RGS6: variants seen among roughly 807,000 people sequenced by gnomAD.
The protein encoded by RGS6 is regulator of G-protein signaling 6.
A neutral mutation model predicts 78.5 loss-of-function variants in RGS6; 30 were observed. The observed-to-expected ratio is 0.38, with a 90% CI of 0.29 to 0.52. The LOEUF (loss-of-function observed/expected upper bound fraction) is 0.52. RGS6 is among the 20% of genes least tolerant of loss of function. RGS6 has a pLI of 0.85. For synonymous variants in RGS6, 206 were observed against 206.0 expected (o/e 1.00, Z 0.00); for missense variants, 495 against 609.7 (o/e 0.81, Z 1.98).
intron 1 of RGS6, among the ~76,000 whole-genome samples, chr14:71,939,521 G>A (rs571139092): frequency 6.6e-6 from 1 of 152,360 alleles, no homozygotes; most frequent in East Asian, 1.9e-4. Flanking sequence ...AGGTAGGACA[G>A]TAAAGGTATA....
chr14:71,940,259 C>A (rs1433999432), intron 1 of RGS6, among the ~76,000 whole-genome samples: 2 of 152,112 alleles, frequency 1.3e-5, no homozygotes, highest in Non-Finnish European at 2.9e-5. Flanking sequence ...CCAGAGGTCT[C>A]CTTGGGGAAA....
At chr14:72,516,171 C>T (rs556412898) in intron 14 of RGS6, among the ~76,000 whole-genome samples, 6 of 152,256 alleles carry the variant, frequency 3.9e-5, no homozygotes, top group Admixed American at 3.3e-4. Flanking sequence ...CCGCATCTTT[C>T]ACCTACTGGT....
intron 1 of RGS6, among the ~76,000 whole-genome samples, chr14:71,936,031 T>TATATATACATATATATATATATATATG (rs2089215427): frequency 8.8e-6 from 1 of 114,188 alleles, no homozygotes; most frequent in Non-Finnish European, 1.9e-5. Context: ...TATATATATA[T>TATATATACATATATATATATATATATG]ATATATATAT....
intron 2 of RGS6, among the ~76,000 whole-genome samples, chr14:72,276,640 G>T (rs2153938555): frequency 6.6e-6 from 1 of 152,250 alleles, no homozygotes; most frequent in East Asian, 1.9e-4. Flanking sequence ...TCGTGGTAGT[G>T]AATAAGTCTC....
the RGS6 span, among the ~76,000 whole-genome samples, chr14:72,576,934 G>A: frequency 6.6e-6 from 1 of 152,150 alleles, no homozygotes; most frequent in African/African-American, 2.4e-5. Context: ...GTAAACACAT[G>A]GGCTTTGTAG....
chr14:72,109,389 C>T (rs564558249), intron 2 of RGS6, among the ~76,000 whole-genome samples: 1 of 152,262 alleles, frequency 6.6e-6, no homozygotes, highest in East Asian at 1.9e-4. Flanking sequence ...GTTCCAAAAA[C>T]TGTGTCACTG....
At chr14:72,573,158 G>A in the RGS6 span, among the ~76,000 whole-genome samples, 4 of 152,188 alleles carry the variant, frequency 2.6e-5, no homozygotes, top group East Asian at 7.7e-4. Flanking sequence ...GGAGATTAAA[G>A]CCCTTGAGCC....
chr14:72,179,499 C>T (rs543879928), intron 2 of RGS6, among the ~76,000 whole-genome samples: 3 of 152,302 alleles, frequency 2.0e-5, no homozygotes, highest in African/African-American at 2.4e-5. Context: ...GTAACATAGC[C>T]GCATGGCAGG....
intron 2 of RGS6, among the ~76,000 whole-genome samples, chr14:72,257,775 A>C (rs2057368422): frequency 6.6e-6 from 1 of 152,192 alleles, no homozygotes; most frequent in South Asian, 2.1e-4. Context: ...TCCTGATCAA[A>C]GAAGGGTGAC....
At chr14:72,346,506 G>A (rs1379957130) in intron 2 of RGS6, among the ~76,000 whole-genome samples, 1 of 152,160 alleles carries the variant, frequency 6.6e-6, no homozygotes, top group Non-Finnish European at 1.5e-5. Flanking sequence ...GCACCTCTTA[G>A]TGCAGAGACA....
At chr14:72,577,564 C>T in the RGS6 span, among the ~76,000 whole-genome samples, 1 of 152,184 alleles carries the variant, frequency 6.6e-6, no homozygotes, top group Non-Finnish European at 1.5e-5. Context: ...ACCAGGGAAA[C>T]ATCAAGACAC....
chr14:72,301,863 A>T (rs1291752321), intron 2 of RGS6, among the ~76,000 whole-genome samples: 1 of 152,184 alleles, frequency 6.6e-6, no homozygotes, highest in Non-Finnish European at 1.5e-5. Flanking sequence ...CTACTCCAGG[A>T]CAACCTTAAT....
At chr14:72,351,004 G>A (rs150916074) in intron 2 of RGS6, among the ~76,000 whole-genome samples, 1,739 of 152,148 alleles carry the variant, frequency 0.011, 11 homozygotes, top group Middle Eastern at 0.031. Context: ...TATCAAACAA[G>A]TTATTAGTCA....
rs138143388 is a variant in RGS6 at position 72,375,984 on chromosome 14, A to T, written c.184+23790A>T. 2.9e-4 allele frequency among the ~76,000 whole-genome samples: 44 copies of T among 152,328 alleles called. 1 individual carries two copies. The East Asian group carries it at 6.4e-3, about 22-fold the overall frequency. ...GAAAAAGCAAGGAAACAGACCTCCA[A>T]AGGAACACAATAATTCCCTAGTAAT... On this transcript the variant is annotated intron_variant, in intron 3 of 17. Coordinates refer to ENST00000553525, the MANE Select transcript of RGS6 (RefSeq NM_001204424.2).
At chr14:71,973,737 C>T (rs998485643) in intron 2 of RGS6, among the ~76,000 whole-genome samples, 1 of 152,168 alleles carries the variant, frequency 6.6e-6, no homozygotes, top group Non-Finnish European at 1.5e-5. Context: ...GTTCAGTCTA[C>T]ATTTTAAGAT....
chr14:72,235,727 G>T (rs1156469430), intron 2 of RGS6, among the ~76,000 whole-genome samples: 1 of 152,196 alleles, frequency 6.6e-6, no homozygotes, highest in Non-Finnish European at 1.5e-5. Context: ...TGTGCTAGTT[G>T]ATAACAGCTT....
chr14:72,443,590 T>C (rs1230614351), intron 3 of RGS6, among the ~76,000 whole-genome samples: 3 of 152,128 alleles, frequency 2.0e-5, no homozygotes, highest in Non-Finnish European at 4.4e-5. Flanking sequence ...CTTAGCCCCC[T>C]AGATTATTTT....
the RGS6 span, among the ~76,000 whole-genome samples, chr14:72,589,775 T>A: frequency 2.6e-5 from 4 of 152,156 alleles, no homozygotes; most frequent in East Asian, 3.8e-4. Flanking sequence ...TAATGATACA[T>A]CTATATGCTA....
chr14:72,359,838 G>A (rs2681724), intron 3 of RGS6, among the ~76,000 whole-genome samples: 41,525 of 152,110 alleles, frequency 0.27, 5,844 homozygotes, highest in South Asian at 0.42. Context: ...ATTGCCTTTA[G>A]CAATGCTGAA....
Sources: allele counts gnomAD v4.1 joint callset (sites outside exome capture counted in the v4.1 genomes callset), GRCh38; gene constraint gnomAD v4.1.1; transcripts MANE v1.5; gene names NCBI Gene and HGNC (gene_info 2026-07-23, HGNC 2026-07-21).